DOCK3: variants seen among roughly 807,000 people sequenced by gnomAD.
The protein encoded by DOCK3 is dedicator of cytokinesis 3, also known as dedicator of cytokinesis protein 3.
A neutral mutation model predicts 265.6 loss-of-function variants in DOCK3; 60 were observed. The observed-to-expected ratio is 0.23, with a 90% CI of 0.18 to 0.28. The LOEUF (loss-of-function observed/expected upper bound fraction) is 0.28. Ranked by LOEUF, DOCK3 falls within the 10% of genes least tolerant of loss-of-function variation. The probability of loss-of-function intolerance (pLI) is 1.00; values close to 1 mark genes in which losing one functional copy is unlikely to be tolerated. For synonymous variants in DOCK3, 881 were observed against 938.0 expected, an observed-to-expected ratio of 0.94 and a Z score of 1.11; for missense variants, 1,981 against 2,594.3, an observed-to-expected ratio of 0.76 and a Z score of 5.14.
intron 5 of DOCK3, among the ~76,000 whole-genome samples, chr3:50,949,645 T>C (rs2076537350): frequency 2.0e-5 from 3 of 152,174 alleles, no homozygotes; most frequent in Non-Finnish European, 4.4e-5. Context: ...TTAAAAATTA[T>C]TGATTCGATT....
At chr3:50,757,608 G>A (rs995008329) in intron 1 of DOCK3, among the ~76,000 whole-genome samples, 4 of 151,562 alleles carry the variant, frequency 2.6e-5, no homozygotes, top group African/African-American at 9.7e-5. Context: ...TCTTTGTAGT[G>A]CAAAAGTTTT....
chr3:50,676,419 A>G (rs1290186751), intron 1 of DOCK3, among the ~76,000 whole-genome samples: 7 of 152,212 alleles, frequency 4.6e-5, no homozygotes, highest in Admixed American at 6.5e-5. Context: ...ACAATTAGGT[A>G]TGTTAGGATG....
At chr3:51,189,193 T>G (rs2087792147) in intron 12 of DOCK3, among the ~76,000 whole-genome samples, 1 of 152,212 alleles carries the variant, frequency 6.6e-6, no homozygotes, top group Non-Finnish European at 1.5e-5. Context: ...ATGTTGAACA[T>G]TTTTGCATTT....
intron 20 of DOCK3, 115 bp downstream of exon 20, chr3:51,236,543 T>G: frequency 1.0e-6 from 1 of 980,344 alleles, no homozygotes; most frequent in Non-Finnish European, 1.5e-6. Flanking sequence ...ATGTTTCCAA[T>G]AGAAAAGGGA....
At chr3:50,973,023 T>TACAATC (rs1401901550) in intron 5 of DOCK3, among the ~76,000 whole-genome samples, 1 of 132,088 alleles carries the variant, frequency 7.6e-6, no homozygotes, top group Non-Finnish European at 1.6e-5. Context: ...ACAATATTCT[T>TACAATC]ACAATCCGTG....
At chr3:50,869,217 G>A (rs1027793538) in intron 3 of DOCK3, among the ~76,000 whole-genome samples, 11 of 151,044 alleles carry the variant, frequency 7.3e-5, no homozygotes, top group South Asian at 2.1e-4. Context: ...CTCATGATCT[G>A]CCCACCTTGG....
At chr3:51,208,667 G>A in intron 12 of DOCK3, 107 bp from the exon 13 acceptor site, 1 of 850,132 alleles carries the variant, frequency 1.2e-6, no homozygotes, top group East Asian at 2.7e-5. Context: ...CATTTCTTTA[G>A]GAAAGTGAGG....
At chr3:51,338,155 G>T (rs1576853798) in intron 35 of DOCK3, among the ~76,000 whole-genome samples, 1 of 152,212 alleles carries the variant, frequency 6.6e-6, no homozygotes, top group Non-Finnish European at 1.5e-5. Context: ...AAGGGGCTCA[G>T]TTGAACAGAG....
In DOCK3 at chr3:51,381,635, C is replaced by T. The variant is rs781935798; in HGVS notation, c.*76C>T. The T allele has an allele frequency of 2.7e-5, 39 of 1,433,700 alleles. No individual in the cohort carries two copies. The highest frequency in any genetic ancestry group is 3.6e-5 in the Non-Finnish European group (39 of 1,098,232). The allele number at this position is 1,433,700 out of a possible 1,614,324, so 88.8% of individuals were successfully genotyped here. A position where few individuals can be genotyped will look rare whatever the true frequency, so the allele number is the denominator to read the frequency against. ...ACTCCAGGTCTGAAAAGCAAGTCCC[C>T]CAGCCCCACCCCAGGGAGCCAGAGA... On this transcript the variant is annotated 3_prime_UTR_variant, in exon 53 of 53. Coordinates refer to ENST00000266037, the MANE Select transcript of DOCK3 (RefSeq NM_004947.5). This position sits in a 1 kb window ranked among gnomAD's most constrained non-coding sequence, Gnocchi z 5.6.
At chr3:50,765,072 G>GTT (rs34672189) in intron 1 of DOCK3, among the ~76,000 whole-genome samples, 11 of 47,494 alleles carry the variant, frequency 2.3e-4, no homozygotes, top group South Asian at 1.5e-3. Context: ...ACTTTCTTAG[G>GTT]TTTTTTTTTT....
chr3:50,696,843 C>T (rs1245726482), intron 1 of DOCK3, among the ~76,000 whole-genome samples: 1 of 151,898 alleles, frequency 6.6e-6, no homozygotes. Context: ...TTAAACATTT[C>T]AACTTGTCTT....
At chr3:51,022,158 A>G (rs2079622116) in intron 5 of DOCK3, among the ~76,000 whole-genome samples, 1 of 152,004 alleles carries the variant, frequency 6.6e-6, no homozygotes, top group Non-Finnish European at 1.5e-5. Context: ...GTAGTTTTTT[A>G]TTATAGGTAG....
chr3:51,073,049 T>G (rs921071612), intron 6 of DOCK3, among the ~76,000 whole-genome samples: 2 of 152,086 alleles, frequency 1.3e-5, no homozygotes, highest in African/African-American at 4.8e-5. Context: ...CTCATTCTTT[T>G]TTGTTGTTGT....
At chr3:51,282,546 G>T (rs541492542) in intron 27 of DOCK3, among the ~76,000 whole-genome samples, 1 of 151,616 alleles carries the variant, frequency 6.6e-6, no homozygotes, top group Non-Finnish European at 1.5e-5. Flanking sequence ...CCAGCTACTC[G>T]GGAGGCTGAG....
chr3:50,888,941 A>T (rs958549730), intron 3 of DOCK3, among the ~76,000 whole-genome samples: 1 of 151,930 alleles, frequency 6.6e-6, no homozygotes, highest in East Asian at 1.9e-4. Flanking sequence ...ACGTTACTAT[A>T]TGCTGTCTTT....
At chr3:51,011,376 A>T (rs1279441281) in intron 5 of DOCK3, among the ~76,000 whole-genome samples, 1 of 151,912 alleles carries the variant, frequency 6.6e-6, no homozygotes, top group East Asian at 1.9e-4. Flanking sequence ...CATTCATTTG[A>T]TCTTCAGTCA....
At chr3:51,257,062 C>A (rs1229147485) in intron 22 of DOCK3, among the ~76,000 whole-genome samples, 1 of 152,184 alleles carries the variant, frequency 6.6e-6, no homozygotes, top group African/African-American at 2.4e-5. Flanking sequence ...TATGGAGGTA[C>A]AGAATTCTGG....
chr3:51,173,638 C>G (rs2086797523), intron 12 of DOCK3, among the ~76,000 whole-genome samples: 1 of 152,178 alleles, frequency 6.6e-6, no homozygotes. Flanking sequence ...CTGAATATAT[C>G]ATACCACTTT....
chr3:51,370,487 G>T (rs1248625107), intron 49 of DOCK3, among the ~76,000 whole-genome samples: 1 of 152,186 alleles, frequency 6.6e-6, no homozygotes, highest in Non-Finnish European at 1.5e-5. Context: ...GAAAGAGGAG[G>T]AATAAGCAGG....
Sources: allele counts gnomAD v4.1 joint callset (sites outside exome capture counted in the v4.1 genomes callset), GRCh38; gene constraint gnomAD v4.1.1; non-coding constraint Gnocchi (gnomAD v3.1); transcripts MANE v1.5; gene names NCBI Gene and HGNC (gene_info 2026-07-23, HGNC 2026-07-21).